The following KYNU variants were observed in gnomAD, a reference collection of about 807,000 sequenced individuals.
The protein encoded by KYNU is kynureninase.
Under a neutral mutation model 59.2 loss-of-function variants are expected in KYNU, and 54 were observed. That is an observed-to-expected ratio of 0.91 (90% CI 0.73 to 1.14). The LOEUF is 1.14. KYNU is among the 50% of genes most tolerant of loss of function. The pLI is 0.00. For missense variants in KYNU, 567 were observed against 554.4 expected, an observed-to-expected ratio of 1.02 and a Z score of -0.23; for synonymous variants, 177 against 192.0, an observed-to-expected ratio of 0.92 and a Z score of 0.65.
chr2:143,038,957 A>T lies in KYNU; in HGVS notation c.1042-1471A>T, dbSNP rs369224370. ...GTGCATCACGCTCTGTTTGCAGTTC[A>T]TTTAGTTCTTATACATAGGATATAT... On this transcript the variant is annotated intron_variant, in intron 12 of 13. Coordinates refer to ENST00000264170, the MANE Select transcript of KYNU (RefSeq NM_003937.3). Among the ~76,000 whole-genome samples the T allele has an allele frequency of 7.2e-5, 11 of 152,260 alleles. No individual in the cohort carries two copies. The East Asian group carries it at 2.1e-3, about 29-fold the overall frequency.
intron 2 of KYNU, among the ~76,000 whole-genome samples, chr2:142,914,724 T>A (rs1351163052): frequency 6.6e-6 from 1 of 152,224 alleles, no homozygotes; most frequent in African/African-American, 2.4e-5. Flanking sequence ...ATTGTCATTA[T>A]CTTGGGGCAA....
At chr2:143,034,198 G>T (rs1198843231) in intron 12 of KYNU, among the ~76,000 whole-genome samples, 2 of 151,158 alleles carry the variant, frequency 1.3e-5, no homozygotes, top group Non-Finnish European at 2.9e-5. Context: ...TGTATATTTT[G>T]TATACCTATA....
chr2:142,998,101 G>A (rs1049480034), intron 10 of KYNU, among the ~76,000 whole-genome samples: 4 of 152,130 alleles, frequency 2.6e-5, no homozygotes, highest in African/African-American at 7.2e-5. Context: ...CTTCCAACAC[G>A]TTACTTCTCT....
chr2:142,989,354 A>G, intron 10 of KYNU: 1 of 1,000,386 alleles, frequency 1.0e-6, no homozygotes, highest in African/African-American at 1.7e-5. Flanking sequence ...CTTTAGAGAG[A>G]CCAAAGAGTT....
At chr2:143,017,871 G>C (rs1216927464) in intron 10 of KYNU, among the ~76,000 whole-genome samples, 1 of 151,952 alleles carries the variant, frequency 6.6e-6, no homozygotes, top group Non-Finnish European at 1.5e-5. Context: ...GTCTTCTTTT[G>C]AGAAGCATCT....
intron 3 of KYNU, among the ~76,000 whole-genome samples, chr2:142,926,128 G>T (rs1055955568): frequency 3.3e-5 from 5 of 152,070 alleles, no homozygotes; most frequent in Admixed American, 1.3e-4. Context: ...TGGGGCCTGT[G>T]GGGGGTGAGG....
chr2:143,001,284 T>C (rs1163154676), intron 10 of KYNU, among the ~76,000 whole-genome samples: 1 of 152,118 alleles, frequency 6.6e-6, no homozygotes, highest in African/African-American at 2.4e-5. Flanking sequence ...TCACACCCAA[T>C]AGACTTTAAA....
chr2:142,896,045 T>G (rs1573759799), intron 2 of KYNU, among the ~76,000 whole-genome samples: 1 of 152,230 alleles, frequency 6.6e-6, no homozygotes, highest in East Asian at 1.9e-4. Flanking sequence ...CTTCTCCCAT[T>G]TATAAATGTA....
intron 11 of KYNU, among the ~76,000 whole-genome samples, chr2:143,029,940 G>A (rs1686695078): frequency 6.6e-6 from 1 of 152,194 alleles, no homozygotes; most frequent in Non-Finnish European, 1.5e-5. Context: ...TTGGTCAGGT[G>A]CCATCAACAT....
intron 10 of KYNU, among the ~76,000 whole-genome samples, chr2:142,994,665 A>C (rs1225488121): frequency 6.6e-6 from 1 of 152,104 alleles, no homozygotes; most frequent in Non-Finnish European, 1.5e-5. Context: ...TTGCTTAATA[A>C]GTTTATTATA....
chr2:142,952,796 A>G (rs1283723418), intron 4 of KYNU, among the ~76,000 whole-genome samples: 2 of 151,986 alleles, frequency 1.3e-5, no homozygotes, highest in African/African-American at 2.4e-5. Context: ...CCATTTCTTG[A>G]TTTTATTTGT....
Position 143,042,301 on chromosome 2 carries a change from C to T in KYNU, c.*129C>T. On this transcript the variant is annotated 3_prime_UTR_variant, in exon 14 of 14. Transcript: ENST00000264170. ...ATGTAACTAACAATAAATAATATAC[C>T]TTACAGAAAATCTGATATAATTTTT... 2.2e-6 allele frequency: 2 copies of T among 929,468 alleles called. No individual in the cohort carries two copies. The highest frequency in any genetic ancestry group is 4.5e-5 in the Admixed American group (2 of 44,464). The allele number at this position is 929,468 out of a possible 1,614,324, so 57.6% of individuals were successfully genotyped here.
intron 2 of KYNU, among the ~76,000 whole-genome samples, chr2:142,886,240 A>G (rs1237787274): frequency 1.3e-5 from 2 of 152,228 alleles, no homozygotes; most frequent in East Asian, 3.8e-4. Flanking sequence ...TAGTCTACCA[A>G]ACTGGGTTTC....
At chr2:142,918,451 TA>T (rs1373128565) in intron 2 of KYNU, among the ~76,000 whole-genome samples, 157 bp from the exon 3 acceptor site, 1 of 152,180 alleles carries the variant, frequency 6.6e-6, no homozygotes, top group African/African-American at 2.4e-5. Context: ...AAAACTTAAT[TA>T]TTTTTTAGAG....
chr2:142,947,290 C>T, intron 4 of KYNU: 2 of 1,409,814 alleles, frequency 1.4e-6, no homozygotes, highest in Non-Finnish European at 1.9e-6. Flanking sequence ...ACTTAAAACT[C>T]ACCACTACAC....
At chr2:142,905,695 T>A (rs1682268829) in intron 2 of KYNU, among the ~76,000 whole-genome samples, 1 of 152,230 alleles carries the variant, frequency 6.6e-6, no homozygotes, top group South Asian at 2.1e-4. Flanking sequence ...CTAAAGGTTA[T>A]TTTTCTACTT....
chr2:142,924,399 C>T (rs1682985327), intron 3 of KYNU, among the ~76,000 whole-genome samples: 1 of 152,152 alleles, frequency 6.6e-6, no homozygotes, highest in Admixed American at 6.5e-5. Context: ...GAGCCACCGT[C>T]CCTGGCCTCT....
At chr2:142,943,903 A>G (rs1267289396) in intron 4 of KYNU, among the ~76,000 whole-genome samples, 1 of 152,216 alleles carries the variant, frequency 6.6e-6, no homozygotes, top group Admixed American at 6.5e-5. Context: ...GCATCTGCTT[A>G]ATAAAATATA....
At chr2:142,934,847 G>A (rs563156124) in intron 4 of KYNU, among the ~76,000 whole-genome samples, 2 of 152,272 alleles carry the variant, frequency 1.3e-5, no homozygotes, top group South Asian at 2.1e-4. Context: ...TCCAACCTCC[G>A]GTGGGGTCCT....
Sources: allele counts gnomAD v4.1 joint callset (sites outside exome capture counted in the v4.1 genomes callset), GRCh38; gene constraint gnomAD v4.1.1; transcripts MANE v1.5; gene names NCBI Gene and HGNC (gene_info 2026-07-23, HGNC 2026-07-21).